TNS3: variants seen among roughly 807,000 people sequenced by gnomAD.
The protein encoded by TNS3 is tensin 3.
A neutral mutation model predicts 140.9 loss-of-function variants in TNS3; 45 were observed. That is an observed-to-expected ratio of 0.32 (90% CI 0.25 to 0.41). The LOEUF is 0.41. TNS3 is among the 10% of genes least tolerant of loss of function. The pLI is 1.00. For synonymous variants in TNS3, 815 were observed against 788.4 expected, an observed-to-expected ratio of 1.03 and a Z score of -0.56; for missense variants, 1,716 against 1,906.7, an observed-to-expected ratio of 0.90 and a Z score of 1.86.
intron 20 of TNS3, among the ~76,000 whole-genome samples, chr7:47,315,267 A>G (rs902866109): frequency 6.6e-6 from 1 of 152,218 alleles, no homozygotes; most frequent in African/African-American, 2.4e-5. Flanking sequence ...AACAACACTC[A>G]TCTCACTTTC....
intron 4 of TNS3, among the ~76,000 whole-genome samples, chr7:47,455,703 G>A (rs1022046911): frequency 6.6e-6 from 1 of 152,202 alleles, no homozygotes; most frequent in Non-Finnish European, 1.5e-5. Flanking sequence ...AGAAGGCAGT[G>A]CCAGAGGTGG....
At chr7:47,518,966 C>T (rs376428676) in intron 2 of TNS3, among the ~76,000 whole-genome samples, 26 of 152,264 alleles carry the variant, frequency 1.7e-4, no homozygotes, top group Non-Finnish European at 2.9e-4. Flanking sequence ...GAATCAGCTG[C>T]GGCACTGACT....
chr7:47,426,192 G>C (rs1172269408), intron 9 of TNS3, among the ~76,000 whole-genome samples: 1 of 152,148 alleles, frequency 6.6e-6, no homozygotes, highest in Non-Finnish European at 1.5e-5. Flanking sequence ...TGAGGCAGGA[G>C]AATCACTTGA....
intron 4 of TNS3, among the ~76,000 whole-genome samples, chr7:47,465,103 C>A (rs955169489): frequency 6.6e-6 from 1 of 152,188 alleles, no homozygotes; most frequent in Non-Finnish European, 1.5e-5. Flanking sequence ...GTGAAACAAC[C>A]CTTTATTCAG....
Position 47,361,206 on chromosome 7 carries a change from C to CAAAA in TNS3, c.2281+7155_2281+7158dup, listed in dbSNP as rs56823708. Reference sequence around the variant, plus strand: ...TCTTCTGGTAAGACAGTAACCATGCCAAAAAAAAAAAAAAAAAACAAGCAA... The same window carrying CAAAA: ...TCTTCTGGTAAGACAGTAACCATGCCAAAAAAAAAAAAAAAAAAAAAACAAGCAA... On this transcript the variant is annotated intron_variant, in intron 17 of 30. Coordinates refer to ENST00000311160, the MANE Select transcript of TNS3 (RefSeq NM_022748.12). Among the ~76,000 whole-genome samples the CAAAA allele has an allele frequency of 1.6e-3, 76 of 47,178 alleles. 4 individuals are homozygous for CAAAA. The highest frequency in any genetic ancestry group is 5.0e-3 in the Admixed American group (15 of 3,010). The allele number at this position is 47,178 out of a possible 152,430, so 31.0% of individuals were successfully genotyped here.
intron 4 of TNS3, among the ~76,000 whole-genome samples, chr7:47,446,389 C>A (rs1378025806): frequency 6.6e-6 from 1 of 152,174 alleles, no homozygotes; most frequent in Non-Finnish European, 1.5e-5. Context: ...CCTTGTGGAC[C>A]CTATCGCCAA....
chr7:47,534,587 C>T (rs1562839226), intron 1 of TNS3, among the ~76,000 whole-genome samples: 1 of 152,162 alleles, frequency 6.6e-6, no homozygotes, highest in Non-Finnish European at 1.5e-5. Context: ...AAACCCCCCA[C>T]CCCAGCTCCA....
Position 47,368,721 on chromosome 7 carries a change from G to A in TNS3, c.1925C>T (p.Ala642Val), listed in dbSNP as rs772329174. The change falls in exon 17 of 31, where the codon GCT (alanine) becomes GTT (valine). Residue 642 changes from alanine (A) to valine (V), a missense_variant. Ala to Val is a moderately conservative substitution (Grantham distance 64, BLOSUM62 0). Transcript: ENST00000311160. The stretch of plus-strand genomic sequence containing the variant: ...CCCACTGCCTACACCCCTCTGGACA[G>A]CCACCCTACTGCTGGTCCCTCGGGT... ...TPTRGTSSRV[A>V]VQRGVGSGPH... 6.3e-7 allele frequency: 1 copy of A among 1,577,776 alleles called. No homozygotes were observed. Among genetic ancestry groups the A allele is most frequent in the Non-Finnish European group, 8.6e-7 (1 of 1,161,492 alleles).
chr7:47,541,855 AG>A (rs1799797338), intron 1 of TNS3, among the ~76,000 whole-genome samples: 1 of 151,972 alleles, frequency 6.6e-6, no homozygotes, highest in Non-Finnish European at 1.5e-5. Context: ...AGGCTGAGGC[AG>A]AAGAATGGCA....
intron 2 of TNS3, among the ~76,000 whole-genome samples, chr7:47,510,018 A>G (rs1026618322): frequency 2.6e-5 from 4 of 152,238 alleles, no homozygotes; most frequent in African/African-American, 9.6e-5. Flanking sequence ...TTTGAACTGC[A>G]TGCGTATTGC....
At chr7:47,348,978 T>C (rs764991097) in intron 17 of TNS3, among the ~76,000 whole-genome samples, 60 of 152,234 alleles carry the variant, frequency 3.9e-4, no homozygotes, top group Admixed American at 1.8e-3. Context: ...TCCTTCAACA[T>C]GTCTCCTTTA....
At chr7:47,294,297 G>A (rs1366284018) in intron 24 of TNS3, among the ~76,000 whole-genome samples, 1 of 152,204 alleles carries the variant, frequency 6.6e-6, no homozygotes, top group Non-Finnish European at 1.5e-5. Context: ...CCAGGAGCCT[G>A]GATCTTTAAA....
At chr7:47,568,603 A>AT (rs1446414117) in intron 1 of TNS3, among the ~76,000 whole-genome samples, 1 of 152,230 alleles carries the variant, frequency 6.6e-6, no homozygotes, top group African/African-American at 2.4e-5. Context: ...TCAATAATTC[A>AT]TGCCAGTTAC....
At chr7:47,313,500 T>A (rs919725663) in intron 20 of TNS3, among the ~76,000 whole-genome samples, 18 of 152,110 alleles carry the variant, frequency 1.2e-4, no homozygotes, top group Non-Finnish European at 2.1e-4. Flanking sequence ...ATTAATCAAG[T>A]TTAATATGCC....
Position 47,552,565 on chromosome 7 carries a change from AT to A in TNS3, c.-264-23419del, listed in dbSNP as rs1175836349. ...CATTATTATTATATCTTTCATGGTT[AT>A]TTGTGATCTGTGCTCTTTGATGTTA... On this transcript the variant is annotated intron_variant, in intron 1 of 30. Transcript: ENST00000311160. Among the ~76,000 whole-genome samples, 32 of 152,240 alleles carry A rather than the reference AT, an allele frequency of 2.1e-4. 1 individual carries two copies. The East Asian group carries it at 3.1e-3, about 15-fold the overall frequency.
At position 47,416,423 on chromosome 7, in the gene TNS3, A is replaced by C. The variant is rs141172024; in HGVS notation, c.474-1217T>G. On this transcript the variant is annotated intron_variant, in intron 10 of 30. Coordinates refer to ENST00000311160, the MANE Select transcript of TNS3 (RefSeq NM_022748.12). ...AAGAGAAGATTTCTGTTAAACATTA[A>C]CAAAAAAGGAAAGCCCTACTTATAG... Among the ~76,000 whole-genome samples, 961 of 152,362 alleles carry C rather than the reference A, an allele frequency of 6.3e-3. 5 individuals are homozygous for C. Among genetic ancestry groups the C allele is most frequent in the African/African-American group, 0.021 (891 of 41,582 alleles).
intron 3 of TNS3, among the ~76,000 whole-genome samples, chr7:47,502,796 C>T (rs1197354168): frequency 6.6e-6 from 1 of 152,216 alleles, no homozygotes; most frequent in Non-Finnish European, 1.5e-5. Context: ...TGGACAGAGC[C>T]TGGGACCTCT....
At chr7:47,292,139 A>T in intron 26 of TNS3, 107 bp from the exon 27 acceptor site, 2 of 1,127,718 alleles carry the variant, frequency 1.8e-6, no homozygotes, top group Non-Finnish European at 2.6e-6. Context: ...GGTGACATGC[A>T]ATGGTTTTGC....
At chr7:47,383,150 G>C (rs1386797941) in intron 16 of TNS3, among the ~76,000 whole-genome samples, 1 of 152,234 alleles carries the variant, frequency 6.6e-6, no homozygotes, top group African/African-American at 2.4e-5. Flanking sequence ...TAGACAAAAA[G>C]TGTTACGAGC....
Sources: gnomAD v4.1 joint callset for allele counts (sites outside exome capture counted in the v4.1 genomes callset) on GRCh38, gnomAD v4.1.1 for gene constraint, MANE v1.5 for transcripts, NCBI Gene and HGNC (gene_info 2026-07-23, HGNC 2026-07-21) for gene names.